The following PHTF2 variants were observed in gnomAD, a reference collection of about 807,000 sequenced individuals.
PHTF2 encodes protein PHTF2.
Under a neutral mutation model 101.2 loss-of-function variants are expected in PHTF2, and 60 were observed. The observed-to-expected ratio is 0.59, with a 90% CI of 0.48 to 0.73. PHTF2 has a LOEUF of 0.73. Among genes scored for constraint, PHTF2 ranks in the 30% least tolerant of loss-of-function variants. The probability of loss-of-function intolerance (pLI) is 0.00; values close to 1 mark genes in which losing one functional copy is unlikely to be tolerated. For missense variants in PHTF2, 747 were observed against 908.7 expected, an observed-to-expected ratio of 0.82 and a Z score of 2.29; for synonymous variants, 311 against 307.3, an observed-to-expected ratio of 1.01 and a Z score of -0.13.
At chr7:77,944,846 T>G (rs1180699638) in intron 16 of PHTF2, among the ~76,000 whole-genome samples, 4 of 152,246 alleles carry the variant, frequency 2.6e-5, no homozygotes, top group African/African-American at 9.6e-5. Context: ...TTTGACTTGT[T>G]TTTTGCTTTT....
At chr7:77,811,102 A>C (rs898352278) in intron 1 of PHTF2, among the ~76,000 whole-genome samples, 6 of 151,624 alleles carry the variant, frequency 4.0e-5, no homozygotes, top group Non-Finnish European at 8.8e-5. Flanking sequence ...GGGTTTCACC[A>C]TGTTGGCCAG....
At chr7:77,901,821 A>G (rs1267049300) in exon 7 of PHTF2, 2 of 1,583,926 alleles carry the variant, frequency 1.3e-6, no homozygotes, top group Admixed American at 1.8e-5. Context: ...CAGAAAGGGA[A>G]TTGTTCGAGT....
chr7:77,885,866 G>A (rs1000443716), intron 3 of PHTF2, among the ~76,000 whole-genome samples: 1 of 152,134 alleles, frequency 6.6e-6, no homozygotes, highest in Non-Finnish European at 1.5e-5. Context: ...TGGGCTCTGT[G>A]TTTTCTTTTT....
intron 9 of PHTF2, among the ~76,000 whole-genome samples, chr7:77,913,674 C>T (rs926000708): frequency 6.6e-6 from 1 of 152,058 alleles, no homozygotes; most frequent in South Asian, 2.1e-4. Context: ...GTCTCAAACT[C>T]GTGGGCTCAA....
intron 3 of PHTF2, among the ~76,000 whole-genome samples, chr7:77,881,572 TGTTGCCCAC>T (rs1484770579): frequency 6.6e-6 from 1 of 151,990 alleles, no homozygotes; most frequent in Non-Finnish European, 1.5e-5. Flanking sequence ...GCTTTCGCCA[TGTTGCCCAC>T]GTTGGTCTTG....
chr7:77,835,394 C>T (rs183844120), intron 1 of PHTF2, among the ~76,000 whole-genome samples: 4 of 151,944 alleles, frequency 2.6e-5, no homozygotes, highest in Admixed American at 6.6e-5. Flanking sequence ...TAATAACACA[C>T]GCAAAGTGTC....
chr7:77,926,367 C>T (rs952821576), intron 11 of PHTF2, among the ~76,000 whole-genome samples: 7 of 152,098 alleles, frequency 4.6e-5, no homozygotes, highest in Non-Finnish European at 1.0e-4. Flanking sequence ...TTTTTGTCCT[C>T]TTTTTCTTTG....
chr7:77,893,553 AC>A (rs1800625307), intron 3 of PHTF2, 54 bp from the exon 3 acceptor site: 2 of 720,140 alleles, frequency 2.8e-6, no homozygotes, highest in Non-Finnish European at 4.9e-6. Flanking sequence ...GCAGAGTTAT[AC>A]CTATTTGATG....
chr7:77,822,411 G>A (rs1794363313), intron 1 of PHTF2, among the ~76,000 whole-genome samples: 1 of 152,066 alleles, frequency 6.6e-6, no homozygotes, highest in Admixed American at 6.6e-5. Flanking sequence ...TCTCAAGATG[G>A]CACCATGCTG....
chr7:77,840,635 A>G (rs561269632), intron 2 of PHTF2, among the ~76,000 whole-genome samples: 1 of 152,194 alleles, frequency 6.6e-6, no homozygotes, highest in African/African-American at 2.4e-5. Flanking sequence ...AACTTATATC[A>G]ATAGTTTTTA....
chr7:77,881,581 C>T (rs536988325), intron 3 of PHTF2, among the ~76,000 whole-genome samples: 7 of 151,872 alleles, frequency 4.6e-5, no homozygotes, highest in African/African-American at 1.7e-4. Flanking sequence ...ATGTTGCCCA[C>T]GTTGGTCTTG....
At chr7:77,813,538 A>C (rs1313044686) in intron 1 of PHTF2, among the ~76,000 whole-genome samples, 1 of 152,218 alleles carries the variant, frequency 6.6e-6, no homozygotes, top group Non-Finnish European at 1.5e-5. Flanking sequence ...GCACTGTGAA[A>C]GGGAGAAGAG....
intron 3 of PHTF2, among the ~76,000 whole-genome samples, chr7:77,867,249 A>G (rs1157162163): frequency 2.0e-5 from 3 of 152,192 alleles, no homozygotes; most frequent in African/African-American, 4.8e-5. Flanking sequence ...TATGACAATG[A>G]TTAGGGATTA....
intron 1 of PHTF2, among the ~76,000 whole-genome samples, chr7:77,823,622 T>C (rs560200705): frequency 2.7e-4 from 41 of 152,326 alleles, no homozygotes; most frequent in Middle Eastern, 3.4e-3. Context: ...ACTTTTCAAA[T>C]AGATCAGAAC....
intron 3 of PHTF2, among the ~76,000 whole-genome samples, chr7:77,878,910 T>G (rs547795301): frequency 6.6e-6 from 1 of 152,360 alleles, no homozygotes; most frequent in East Asian, 1.9e-4. Context: ...GAAGTGACAC[T>G]GTATCTAGAT....
intron 7 of PHTF2, 24 bp from the exon 7 acceptor site, chr7:77,908,769 C>T: frequency 1.4e-6 from 2 of 1,460,652 alleles, no homozygotes; most frequent in African/African-American, 1.4e-5. Flanking sequence ...TATAATTAAG[C>T]ATATTTTCTT....
At chr7:77,897,440 T>G (rs1016010293) in intron 5 of PHTF2, among the ~76,000 whole-genome samples, 3 of 151,540 alleles carry the variant, frequency 2.0e-5, no homozygotes, top group Non-Finnish European at 2.9e-5. Context: ...TAAAATATTT[T>G]TATTATTGGA....
intron 1 of PHTF2, among the ~76,000 whole-genome samples, chr7:77,828,330 A>G (rs1006974048): frequency 6.6e-5 from 10 of 152,232 alleles, no homozygotes; most frequent in African/African-American, 2.4e-4. Flanking sequence ...TAACAAAACA[A>G]AAAACCCAAA....
intron 11 of PHTF2, among the ~76,000 whole-genome samples, chr7:77,927,195 T>TATACACACACACACACAC (rs1554388751): frequency 2.5e-5 from 2 of 78,508 alleles, no homozygotes; most frequent in African/African-American, 7.4e-5. Flanking sequence ...TATATATATA[T>TATACACACACACACACAC]ACATACACAC....
Sources: allele counts gnomAD v4.1 joint callset (sites outside exome capture counted in the v4.1 genomes callset), GRCh38; gene constraint gnomAD v4.1.1; transcripts MANE v1.5; gene names NCBI Gene and HGNC (gene_info 2026-07-23, HGNC 2026-07-21).